LRRIQ3: variants seen among roughly 807,000 people sequenced by gnomAD.
LRRIQ3 encodes leucine rich repeats and IQ motif containing 3.
LRRIQ3 carries 75 observed loss-of-function variants against 59.3 expected under a neutral mutation model. That is an observed-to-expected ratio of 1.26 (90% CI 1.05 to 1.53). The LOEUF is 1.53. Ranked by LOEUF, LRRIQ3 falls within the 40% of genes most tolerant of loss-of-function variation. LRRIQ3 has a pLI of 0.00. For missense variants in LRRIQ3, 831 were observed against 710.0 expected (o/e 1.17, Z -1.94); for synonymous variants, 250 against 231.3 (o/e 1.08, Z -0.73).
chr1:74,032,816 A>T (rs1271666558), intron 7 of LRRIQ3, among the ~76,000 whole-genome samples: 2 of 152,034 alleles, frequency 1.3e-5, no homozygotes, highest in East Asian at 3.8e-4. Context: ...ATTCTGACTA[A>T]CACAGCAGCC....
At chr1:74,186,593 T>C (rs1292131412) in intron 1 of LRRIQ3, among the ~76,000 whole-genome samples, 2 of 152,174 alleles carry the variant, frequency 1.3e-5, no homozygotes, top group Non-Finnish European at 2.9e-5. Context: ...TTGTAATATA[T>C]AATAAGGGAA....
Position 74,036,114 on chromosome 1 carries a change from T to C in LRRIQ3, c.1718+5099A>G, listed in dbSNP as rs568732119. On this transcript the variant is annotated intron_variant, in intron 7 of 7. Transcript: ENST00000354431. ...CTCTGGTTTAGTTAAGGCTTCTCTT[T>C]GAAGGTTTTGATTTTGGAGTAGCAA... 2.6e-5 allele frequency among the ~76,000 whole-genome samples: 4 copies of C among 152,256 alleles called. No individual in the cohort carries two copies. The East Asian group carries it at 7.7e-4, about 29-fold the overall frequency.
rs111929778 is a variant in LRRIQ3 at position 74,178,917 on chromosome 1, G to C, written c.573+3621C>G. Among the ~76,000 whole-genome samples, 366 of 152,172 alleles carry C rather than the reference G, an allele frequency of 2.4e-3. 3 individuals carry two copies. The highest frequency in any genetic ancestry group is 8.4e-3 in the African/African-American group (348 of 41,528). Reference sequence around the variant, plus strand: ...TGGATGTGAAGTTCATTGCCTATGAGAGGTAGGGGGACTGTTCACTTGCTA... The same window carrying C: ...TGGATGTGAAGTTCATTGCCTATGACAGGTAGGGGGACTGTTCACTTGCTA... On this transcript the variant is annotated intron_variant, in intron 3 of 7. Coordinates refer to ENST00000354431, the MANE Select transcript of LRRIQ3 (RefSeq NM_001105659.2).
chr1:74,159,044 T>C (rs1228705133), intron 3 of LRRIQ3, among the ~76,000 whole-genome samples: 1 of 152,132 alleles, frequency 6.6e-6, no homozygotes, highest in African/African-American at 2.4e-5. Context: ...GGTCAGACCA[T>C]ACCACTTTTC....
At chr1:74,130,113 T>C (rs1034584624) in intron 4 of LRRIQ3, among the ~76,000 whole-genome samples, 10 of 152,072 alleles carry the variant, frequency 6.6e-5, no homozygotes, top group Non-Finnish European at 1.3e-4. Flanking sequence ...GCATCTCATT[T>C]GGTTATGCTC....
At chr1:74,095,044 G>A (rs1422850970) in intron 5 of LRRIQ3, 4 of 152,110 alleles carry the variant, frequency 2.6e-5, no homozygotes, top group African/African-American at 9.7e-5. Flanking sequence ...TATAAGCAGA[G>A]TGTTGCATGG....
chr1:74,172,998 C>A (rs772757056), intron 3 of LRRIQ3, among the ~76,000 whole-genome samples: 1 of 151,994 alleles, frequency 6.6e-6, no homozygotes. Context: ...AGTTGGGTCT[C>A]GGTTTTTTAA....
At chr1:74,135,156 G>C (rs1385800441) in intron 4 of LRRIQ3, among the ~76,000 whole-genome samples, 1 of 151,716 alleles carries the variant, frequency 6.6e-6, no homozygotes, top group Non-Finnish European at 1.5e-5. Flanking sequence ...CTGAAACAAA[G>C]ACAAAAATTT....
At chr1:74,133,952 GAC>G (rs1464265581) in intron 4 of LRRIQ3, among the ~76,000 whole-genome samples, 2 of 151,812 alleles carry the variant, frequency 1.3e-5, no homozygotes, top group African/African-American at 2.4e-5. Context: ...TATATGAAAT[GAC>G]ACTCAATGCT....
intron 1 of LRRIQ3, among the ~76,000 whole-genome samples, chr1:74,187,718 AC>A (rs1428365547): frequency 6.6e-6 from 1 of 152,068 alleles, no homozygotes; most frequent in Non-Finnish European, 1.5e-5. Flanking sequence ...TAGCACCTGT[AC>A]CCCAACAACT....
At chr1:74,171,393 A>G (rs1199811406) in intron 3 of LRRIQ3, among the ~76,000 whole-genome samples, 1 of 152,106 alleles carries the variant, frequency 6.6e-6, no homozygotes, top group African/African-American at 2.4e-5. Context: ...TTCTGCATCT[A>G]TGGAGATAAT....
At chr1:74,140,380 A>G (rs969047256) in intron 4 of LRRIQ3, among the ~76,000 whole-genome samples, 2 of 151,814 alleles carry the variant, frequency 1.3e-5, no homozygotes. Context: ...ATGATTTTTA[A>G]TTTTTATGCA....
In LRRIQ3 at chr1:74,183,653, G is replaced by A. The variant is rs191510310; in HGVS notation, c.32C>T (p.Thr11Ile). 2.1e-5 allele frequency: 33 copies of A among 1,605,626 alleles called. No homozygotes were observed. Among genetic ancestry groups the A allele is most frequent in the Admixed American group, 1.7e-4 (10 of 58,978 alleles). Residue 11 changes from threonine (T) to isoleucine (I), a missense_variant, in exon 2 of 8, where the codon ACC (threonine) becomes ATC (isoleucine). Coordinates refer to ENST00000354431, the MANE Select transcript of LRRIQ3 (RefSeq NM_001105659.2). The part of the protein sequence containing the change: MFHGTVTEEL[T>I]SHEEWSHYNE... Reference sequence around the variant, plus strand: ...ATAGTGACTCCATTCTTCATGACTGGTTAGCTCTTCTGTGACTGTTCCATG... The same window carrying A: ...ATAGTGACTCCATTCTTCATGACTGATTAGCTCTTCTGTGACTGTTCCATG...
At chr1:74,144,126 GT>G (rs1320424228) in intron 4 of LRRIQ3, among the ~76,000 whole-genome samples, 2 of 151,816 alleles carry the variant, frequency 1.3e-5, no homozygotes, top group Non-Finnish European at 2.9e-5. Flanking sequence ...AGTAGCTCTT[GT>G]TTTTTCTCTT....
At chr1:74,032,934 G>C (rs911947173) in intron 7 of LRRIQ3, among the ~76,000 whole-genome samples, 4 of 151,880 alleles carry the variant, frequency 2.6e-5, no homozygotes, top group African/African-American at 7.2e-5. Flanking sequence ...GGAAACTGTG[G>C]TAAATATAAA....
At chr1:74,156,304 C>G (rs1006084837) in intron 3 of LRRIQ3, among the ~76,000 whole-genome samples, 1 of 152,110 alleles carries the variant, frequency 6.6e-6, no homozygotes, top group Admixed American at 6.5e-5. Context: ...ATGCCAGCAC[C>G]ATACTTCCTA....
At chr1:74,166,626 T>C (rs1435310553) in intron 3 of LRRIQ3, among the ~76,000 whole-genome samples, 1 of 151,870 alleles carries the variant, frequency 6.6e-6, no homozygotes, top group African/African-American at 2.4e-5. Flanking sequence ...GTGGGAAGCA[T>C]AGATCATTGA....
chr1:74,098,047 A>C (rs1646472652), intron 5 of LRRIQ3, among the ~76,000 whole-genome samples: 1 of 152,188 alleles, frequency 6.6e-6, no homozygotes, highest in African/African-American at 2.4e-5. Context: ...TCAAATTCAC[A>C]CATAACAATA....
chr1:74,041,206 T>A lies in LRRIQ3; in HGVS notation c.1718+7A>T. Reference sequence around the variant, plus strand: ...TAATGCCTCTGTTATATCTAAATTGTACCTACCTAACTTTTTTCATTTCTT... The same window carrying A: ...TAATGCCTCTGTTATATCTAAATTGAACCTACCTAACTTTTTTCATTTCTT... On this transcript the variant is annotated splice_region_variant and intron_variant, in intron 7 of 7. Transcript: ENST00000354431. 1 of 1,549,818 alleles carries A rather than the reference T, an allele frequency of 6.5e-7. No individual in the cohort carries two copies. The highest frequency in any genetic ancestry group is 8.7e-7 in the Non-Finnish European group (1 of 1,143,490).
Sources: gnomAD v4.1 joint callset for allele counts (sites outside exome capture counted in the v4.1 genomes callset) on GRCh38, gnomAD v4.1.1 for gene constraint, MANE v1.5 for transcripts, NCBI Gene and HGNC (gene_info 2026-07-23, HGNC 2026-07-21) for gene names.